DAGLA: variants seen among roughly 807,000 people sequenced by gnomAD.
DAGLA encodes diacylglycerol lipase-alpha.
A neutral mutation model predicts 102.6 loss-of-function variants in DAGLA; 22 were observed. The ratio of observed to expected loss-of-function variants is 0.21; its 90% confidence interval spans 0.15 to 0.31. The LOEUF (loss-of-function observed/expected upper bound fraction) is 0.31. Among genes scored for constraint, DAGLA ranks in the 10% least tolerant of loss-of-function variants. DAGLA has a pLI of 1.00. For synonymous variants in DAGLA, 578 were observed against 628.9 expected, an observed-to-expected ratio of 0.92 and a Z score of 1.21; for missense variants, 927 against 1,446.6, an observed-to-expected ratio of 0.64 and a Z score of 5.83.
At chr11:61,688,092 G>A (rs542302845) in intron 1 of DAGLA, among the ~76,000 whole-genome samples, 11 of 152,166 alleles carry the variant, frequency 7.2e-5, no homozygotes, top group Admixed American at 3.3e-4. Flanking sequence ...CGAGGCGGGC[G>A]GGTCACGAGG....
intron 1 of DAGLA, among the ~76,000 whole-genome samples, chr11:61,707,687 T>C (rs533811079): frequency 1.3e-4 from 20 of 152,340 alleles, no homozygotes; most frequent in Admixed American, 1.0e-3. Flanking sequence ...TCGCAGGCTG[T>C]GGAGGCCATG....
intron 1 of DAGLA, among the ~76,000 whole-genome samples, chr11:61,709,667 G>A (rs963179082): frequency 6.6e-6 from 1 of 152,136 alleles, no homozygotes; most frequent in African/African-American, 2.4e-5. Context: ...TGCAGCCTGT[G>A]TGCCATTGGT....
intron 15 of DAGLA, 27 bp from the exon 16 acceptor site, chr11:61,738,108 G>A (rs936611010): frequency 1.9e-6 from 3 of 1,603,650 alleles, no homozygotes; most frequent in African/African-American, 2.7e-5. Flanking sequence ...AGGCCTGGCT[G>A]ACGGCCCTGT....
chr11:61,690,574 A>T (rs550806168), intron 1 of DAGLA, among the ~76,000 whole-genome samples: 3 of 152,316 alleles, frequency 2.0e-5, no homozygotes, highest in Admixed American at 6.5e-5. Context: ...TGCTCAGGAC[A>T]GTCCCATGGC....
chr11:61,684,845 A>G lies in DAGLA; in HGVS notation c.-45+4341A>G, dbSNP rs2064974469. 6.6e-6 allele frequency among the ~76,000 whole-genome samples: 1 copy of G among 152,028 alleles called. No individual in the cohort carries two copies. The highest frequency in any genetic ancestry group is 1.5e-5 in the Non-Finnish European group (1 of 68,000). On this transcript the variant is annotated intron_variant, in intron 1 of 19. Transcript: ENST00000257215. The surrounding 1 kb of genome is among the most constrained non-coding windows in gnomAD (Gnocchi z 4.5). Reference sequence around the variant, plus strand: ...AGCTGGGGGTTGCCGGGCTCTTCACAGCAGGAGGGAACAGTGGGAGTCGGA... The same window carrying G: ...AGCTGGGGGTTGCCGGGCTCTTCACGGCAGGAGGGAACAGTGGGAGTCGGA...
chr11:61,735,368 G>A (rs2135598994), intron 10 of DAGLA, among the ~76,000 whole-genome samples, 193 bp from the exon 11 acceptor site: 2 of 152,280 alleles, frequency 1.3e-5, no homozygotes, highest in Admixed American at 1.3e-4. Flanking sequence ...AGCGGGGAGG[G>A]CAGGGCAGGC....
chr11:61,719,239 A>G (rs1391163341), intron 1 of DAGLA, among the ~76,000 whole-genome samples: 1 of 152,188 alleles, frequency 6.6e-6, no homozygotes, highest in Non-Finnish European at 1.5e-5. Flanking sequence ...GCTGATTTGA[A>G]TTCAGCTACT....
At chr11:61,704,659 G>A (rs1313780201) in intron 1 of DAGLA, among the ~76,000 whole-genome samples, 1 of 152,154 alleles carries the variant, frequency 6.6e-6, no homozygotes, top group African/African-American at 2.4e-5. Flanking sequence ...GGCAGGAGAT[G>A]TTCAGAGAAA....
chr11:61,728,031 T>A, intron 6 of DAGLA, 122 bp from the exon 7 acceptor site: 1 of 1,171,372 alleles, frequency 8.5e-7, no homozygotes, highest in South Asian at 1.4e-5. Flanking sequence ...GGAGAACCTG[T>A]CCAGGGGACC....
intron 19 of DAGLA, among the ~76,000 whole-genome samples, chr11:61,742,768 C>T (rs2065491498): frequency 1.3e-5 from 2 of 148,978 alleles, no homozygotes; most frequent in Admixed American, 6.7e-5. Context: ...CCCTCTGTCC[C>T]TCCCTCCCTC....
Position 61,740,599 on chromosome 11 carries a change from C to T in DAGLA, c.1983+7C>T, listed in dbSNP as rs759255073. The T allele has an allele frequency of 1.2e-6, 2 of 1,612,532 alleles. No homozygotes were observed. The highest frequency in any genetic ancestry group is 1.7e-6 in the Non-Finnish European group (2 of 1,179,462). ...CATGGAGGGGCTCAACAAGGTGAGGCAGCTCCCGGCAGGGTACCACCAGGG... is the reference window on the plus strand; with the variant it reads ...CATGGAGGGGCTCAACAAGGTGAGGTAGCTCCCGGCAGGGTACCACCAGGG... On this transcript the variant is annotated splice_region_variant and intron_variant, in intron 18 of 19. Coordinates refer to ENST00000257215, the MANE Select transcript of DAGLA (RefSeq NM_006133.3).
intron 1 of DAGLA, among the ~76,000 whole-genome samples, chr11:61,688,582 GC>G (rs567765427): frequency 5.3e-4 from 80 of 152,310 alleles, no homozygotes; most frequent in African/African-American, 1.8e-3. Flanking sequence ...GATGAGCAGT[GC>G]CTGGGTCCTT....
Position 61,731,348 on chromosome 11 carries a change from A to G in DAGLA, c.881A>G (p.Tyr294Cys). The change falls in exon 9 of 20, where the codon TAC (tyrosine) becomes TGC (cysteine). Residue 294 changes from tyrosine to cysteine, a missense_variant. Tyr to Cys is a radical substitution (Grantham distance 194, BLOSUM62 -2). Coordinates refer to ENST00000257215, the MANE Select transcript of DAGLA (RefSeq NM_006133.3). ...ATGCTCCGCTACAAAGAGGTCTGCT[A>G]CTACATGCTCTTTGCCCTGGCTGCC... ...QEMLRYKEVC[Y>C]YMLFALAAYG... is the part of the protein sequence containing the mutation. The G allele has an allele frequency of 6.2e-7, 1 of 1,614,090 alleles. No homozygotes were observed. The highest frequency in any genetic ancestry group is 8.5e-7 in the Non-Finnish European group (1 of 1,180,002).
Position 61,686,515 on chromosome 11 carries a change from C to T in DAGLA, c.-45+6011C>T, listed in dbSNP as rs2064986288. The stretch of plus-strand genomic sequence containing the variant: ...AGGTTACTATTCTGGGAAGTTTCAT[C>T]AAAACCTTTTCAGTGTTTGGGAGTT... On this transcript the variant is annotated intron_variant, in intron 1 of 19. Coordinates refer to ENST00000257215, the MANE Select transcript of DAGLA (RefSeq NM_006133.3). The surrounding 1 kb of genome is among the most constrained non-coding windows in gnomAD (Gnocchi z 5.2). Among the ~76,000 whole-genome samples, 1 of 152,222 alleles carries T rather than the reference C, an allele frequency of 6.6e-6. No homozygotes were observed. Among genetic ancestry groups the T allele is most frequent in the East Asian group, 1.9e-4 (1 of 5,196 alleles).
chr11:61,730,683 A>G (rs1177152046), intron 8 of DAGLA, among the ~76,000 whole-genome samples: 1 of 152,122 alleles, frequency 6.6e-6, no homozygotes, highest in Non-Finnish European at 1.5e-5. Context: ...GGCCTCAGAC[A>G]CACTGGCTTT....
chr11:61,698,991 C>G (rs578134132), intron 1 of DAGLA, among the ~76,000 whole-genome samples: 1 of 152,182 alleles, frequency 6.6e-6, no homozygotes, highest in East Asian at 1.9e-4. Flanking sequence ...GCATGCAGAC[C>G]GCCTGCAGAG....
At chr11:61,719,095 A>T (rs1054800945) in intron 1 of DAGLA, among the ~76,000 whole-genome samples, 5 of 152,188 alleles carry the variant, frequency 3.3e-5, no homozygotes, top group African/African-American at 9.7e-5. Context: ...GCTACCCTGG[A>T]GCCCTTTATG....
At chr11:61,715,749 G>T (rs2076668064) in intron 1 of DAGLA, among the ~76,000 whole-genome samples, 1 of 152,202 alleles carries the variant, frequency 6.6e-6, no homozygotes, top group African/African-American at 2.4e-5. Context: ...ATCACAGGAG[G>T]TCCCCACAAA....
Position 61,737,214 on chromosome 11 carries a change from G to C in DAGLA, c.1404G>C (p.Val468=). ...GAACCAAACACTACGGCCTGATTGT[G>C]GTGGGCCACTCCCTGGGCGCGGGCA... is the stretch of plus-strand genomic sequence containing the variant. ...GRGTKHYGLI[V]VGHSLGAGTA... is the part of the protein sequence containing the mutation. The change falls in exon 14 of 20, where the codon GTG becomes GTC. Residue 468 remains valine, a synonymous_variant. Coordinates refer to ENST00000257215, the MANE Select transcript of DAGLA (RefSeq NM_006133.3). The C allele has an allele frequency of 6.2e-7, 1 of 1,613,540 alleles. No individual in the cohort carries two copies. Among genetic ancestry groups the C allele is most frequent in the Non-Finnish European group, 8.5e-7 (1 of 1,180,024 alleles).
Sources: allele counts gnomAD v4.1 joint callset (sites outside exome capture counted in the v4.1 genomes callset), GRCh38; gene constraint gnomAD v4.1.1; non-coding constraint Gnocchi (gnomAD v3.1); transcripts MANE v1.5; gene names NCBI Gene and HGNC (gene_info 2026-07-23, HGNC 2026-07-21).